Variants in FGL1 observed in about 807,000 individuals in gnomAD.
FGL1 encodes the protein fibrinogen like 1, also known as fibrinogen-like protein 1.
Under a neutral mutation model 43.7 loss-of-function variants are expected in FGL1, and 59 were observed. That is an observed-to-expected ratio of 1.35 (90% CI 1.10 to 1.68). The LOEUF (loss-of-function observed/expected upper bound fraction) is 1.68. FGL1 is among the 40% of genes most tolerant of loss of function. The pLI, the probability that FGL1 is intolerant of heterozygous loss-of-function variation, is 0.00. For synonymous variants in FGL1, 192 were observed against 126.5 expected (o/e 1.52, Z -3.48); for missense variants, 596 against 373.0 (o/e 1.60, Z -4.92).
At chr8:17,891,892 T>C (rs1164636366) in intron 1 of FGL1, 4 of 523,344 alleles carry the variant, frequency 7.6e-6, no homozygotes, top group South Asian at 8.2e-5. Flanking sequence ...GTCATGTCAA[T>C]ATGTAACAGC....
intron 7 of FGL1, among the ~76,000 whole-genome samples, chr8:17,867,637 C>G (rs554388669): frequency 6.6e-6 from 1 of 152,326 alleles, no homozygotes; most frequent in South Asian, 2.1e-4. Flanking sequence ...AACTCCAACA[C>G]TGGATCTGAT....
intron 5 of FGL1, among the ~76,000 whole-genome samples, chr8:17,870,654 T>A (rs574010349): frequency 6.6e-6 from 1 of 152,294 alleles, no homozygotes; most frequent in East Asian, 1.9e-4. Flanking sequence ...AGGCTGCATA[T>A]CCAAGTTCTA....
intron 1 of FGL1, among the ~76,000 whole-genome samples, chr8:17,890,717 G>A (rs2053691581): frequency 6.6e-6 from 1 of 152,118 alleles, no homozygotes; most frequent in Non-Finnish European, 1.5e-5. Context: ...GCCATGACTG[G>A]GGAGGCCCCA....
chr8:17,872,097 T>C (rs1446858791), intron 5 of FGL1, among the ~76,000 whole-genome samples: 5 of 151,848 alleles, frequency 3.3e-5, no homozygotes, highest in Admixed American at 6.6e-5. Context: ...AAAGGAAGCG[T>C]TATGTAAATT....
At position 17,868,626 on chromosome 8, in the gene FGL1, A is replaced by C. The variant is rs1207210450; in HGVS notation, c.701T>G (p.Phe234Cys). Residue 234 changes from phenylalanine to cysteine, a missense_variant, in exon 7 of 8, where the codon TTC (phenylalanine) becomes TGC (cysteine). Physicochemically the swap from Phe to Cys is radical, Grantham distance 205. Transcript: ENST00000427924. ...GTCATGATCTCTGTCCCACGTGCTG[A>C]ATTTCATTCTTTGGTGACTAGCCCA... is the stretch of plus-strand genomic sequence containing the variant. ...QWWASHQRMK[F>C]STWDRDHDNY... 4 of 1,613,980 alleles carry C rather than the reference A, an allele frequency of 2.5e-6. No homozygotes were observed. Among genetic ancestry groups the C allele is most frequent in the Non-Finnish European group, 3.4e-6 (4 of 1,180,008 alleles).
chr8:17,888,142 T>C (rs932090491), intron 1 of FGL1, among the ~76,000 whole-genome samples: 13 of 152,108 alleles, frequency 8.5e-5, no homozygotes, highest in African/African-American at 3.1e-4. Flanking sequence ...TTTGCTTATG[T>C]TAAAAATAGA....
intron 1 of FGL1, among the ~76,000 whole-genome samples, chr8:17,890,478 TC>T (rs1167353318): frequency 3.3e-5 from 5 of 152,286 alleles, no homozygotes; most frequent in African/African-American, 1.2e-4. Context: ...CTTGCTGTTC[TC>T]TCTACCTGGA....
chr8:17,887,406 C>G (rs1169592850), intron 1 of FGL1, among the ~76,000 whole-genome samples: 1 of 152,200 alleles, frequency 6.6e-6, no homozygotes, highest in East Asian at 1.9e-4. Flanking sequence ...AGTCTTCTTT[C>G]TGAAGAGAGG....
chr8:17,880,562 A>G (rs1032884596), intron 3 of FGL1, among the ~76,000 whole-genome samples: 1 of 152,166 alleles, frequency 6.6e-6, no homozygotes, highest in African/African-American at 2.4e-5. Flanking sequence ...ATTCCTGAAT[A>G]TGAGGATCTA....
chr8:17,889,499 G>C (rs2053676286), intron 1 of FGL1, among the ~76,000 whole-genome samples: 1 of 152,162 alleles, frequency 6.6e-6, no homozygotes, highest in Non-Finnish European at 1.5e-5. Flanking sequence ...GCAGTGAGCT[G>C]AGATTGTCTC....
intron 2 of FGL1, among the ~76,000 whole-genome samples, chr8:17,883,883 CTCTTTTCTTTT>C (rs1309326652): frequency 1.3e-5 from 2 of 149,268 alleles, no homozygotes; most frequent in Non-Finnish European, 3.0e-5. Flanking sequence ...TTTCTTTCTC[CTCTTTTCTTTT>C]TCTTTTCTTT....
Position 17,864,755 on chromosome 8 carries a change from GT to G in FGL1, c.780-5del, listed in dbSNP as rs771748361. 6.9e-6 allele frequency: 10 copies of G among 1,448,958 alleles called. No homozygotes were observed. In the South Asian group the frequency reaches 1.6e-4, roughly 23 times the overall value. The allele number at this position is 1,448,958 out of a possible 1,614,324, so 89.8% of individuals were successfully genotyped here. ...ATTCAGGTTTGCAGAGTGACACCTA[GT>G]GGAAGGGAGAAAAAAAAAGAAAACA... On this transcript the variant is annotated splice_polypyrimidine_tract_variant and splice_region_variant and intron_variant, in intron 7 of 7. Coordinates refer to ENST00000427924, the MANE Select transcript of FGL1 (RefSeq NM_004467.4).
chr8:17,884,500 A>G (rs2053599549), intron 2 of FGL1, among the ~76,000 whole-genome samples: 1 of 151,848 alleles, frequency 6.6e-6, no homozygotes, highest in Non-Finnish European at 1.5e-5. Flanking sequence ...AGGCCTCTCT[A>G]GGATTACTTC....
chr8:17,890,563 A>G (rs577987043), intron 1 of FGL1, among the ~76,000 whole-genome samples: 58 of 152,242 alleles, frequency 3.8e-4, no homozygotes, highest in Middle Eastern at 3.4e-3. Context: ...CCCTTCCCAG[A>G]GATACCTTCC....
At chr8:17,885,817 T>G (rs1554568063) in intron 1 of FGL1, 1 of 440,674 alleles carries the variant, frequency 2.3e-6, no homozygotes, top group Non-Finnish European at 4.1e-6. Context: ...TTCGCTATCC[T>G]AATGTGCTGT....
At chr8:17,886,405 C>A (rs1467649267) in intron 1 of FGL1, among the ~76,000 whole-genome samples, 1 of 151,922 alleles carries the variant, frequency 6.6e-6, no homozygotes, top group Non-Finnish European at 1.5e-5. Flanking sequence ...CTGACAAAGT[C>A]AAAGAGAAAG....
intron 5 of FGL1, among the ~76,000 whole-genome samples, chr8:17,872,190 C>G (rs13265140): frequency 6.6e-6 from 1 of 152,028 alleles, no homozygotes; most frequent in African/African-American, 2.4e-5. Flanking sequence ...GTTTATCATT[C>G]TAGTGTCTCA....
At chr8:17,890,189 A>G (rs781149570) in intron 1 of FGL1, among the ~76,000 whole-genome samples, 1 of 152,206 alleles carries the variant, frequency 6.6e-6, no homozygotes, top group Non-Finnish European at 1.5e-5. Context: ...ACAACATCCA[A>G]TCATTTCTCA....
chr8:17,868,610 T>G lies in FGL1; in HGVS notation c.717A>C (p.Arg239Ser). The change falls in exon 7 of 8, where the codon AGA becomes AGC. Residue 239 changes from arginine (R) to serine (S), a missense_variant. Coordinates refer to ENST00000427924, the MANE Select transcript of FGL1 (RefSeq NM_004467.4). Reference protein sequence around the residue: ...HQRMKFSTWDRDHDNYEGNCA... With the variant: ...HQRMKFSTWDSDHDNYEGNCA... ...AGTTCCCTTCATAGTTGTCATGATC[T>G]CTGTCCCACGTGCTGAATTTCATTC... is the stretch of plus-strand genomic sequence containing the variant. 4 of 1,614,156 alleles carry G rather than the reference T, an allele frequency of 2.5e-6. No homozygotes were observed. In the South Asian group the frequency reaches 3.3e-5, roughly 13 times the overall value.
Sources: allele counts gnomAD v4.1 joint callset (sites outside exome capture counted in the v4.1 genomes callset), GRCh38; gene constraint gnomAD v4.1.1; transcripts MANE v1.5; gene names NCBI Gene and HGNC (gene_info 2026-07-23, HGNC 2026-07-21).